Variants in TPSB2 observed in about 807,000 individuals in gnomAD.
TPSB2 encodes the protein tryptase beta-2.
Under a neutral mutation model 19.8 loss-of-function variants are expected in TPSB2, and 13 were observed. That is an observed-to-expected ratio of 0.66 (90% CI 0.43 to 1.04). The LOEUF is 1.04. Ranked by LOEUF, TPSB2 falls within the 50% of genes least tolerant of loss-of-function variation. The probability of loss-of-function intolerance (pLI) is 0.00; values close to 1 mark genes in which losing one functional copy is unlikely to be tolerated. For missense variants in TPSB2, 196 were observed against 259.9 expected, an observed-to-expected ratio of 0.75 and a Z score of 1.69; for synonymous variants, 78 against 116.4, an observed-to-expected ratio of 0.67 and a Z score of 2.12.
Position 1,229,287 on chromosome 16 carries a change from TG to T in TPSB2, c.402del (p.Ser135AlafsTer41). ...LLELEEPVNV[S>X]SHVHTVTLPP... ...GGCAGGGTGACCGTGTGGACGTGGC[TG>T]GAGACGTTCACCGGCTCCTCCAGCT... is the stretch of plus-strand genomic sequence containing the variant. On this transcript the variant is annotated frameshift_variant, in exon 4 of 6. Coordinates refer to ENST00000606293, the MANE Select transcript of TPSB2 (RefSeq NM_024164.6). LOFTEE classifies it high-confidence loss of function. 2.2e-6 allele frequency: 1 copy of T among 445,968 alleles called. No homozygotes were observed. The highest frequency in any genetic ancestry group is 3.4e-6 in the Non-Finnish European group (1 of 295,926). The allele number at this position is 445,968 out of a possible 1,614,324, so 27.6% of individuals were successfully genotyped here. A position where few individuals can be genotyped will look rare whatever the true frequency, so the allele number is the denominator to read the frequency against.
chr16:1,229,210 C>G lies in TPSB2; in HGVS notation c.480G>C (p.Trp160Cys). The G allele has an allele frequency of 2.6e-6, 1 of 383,848 alleles. No homozygotes were observed. Among genetic ancestry groups the G allele is most frequent in the Non-Finnish European group, 4.2e-6 (1 of 239,986 alleles). The allele number at this position is 383,848 out of a possible 1,614,324, so 23.8% of individuals were successfully genotyped here. Residue 160 changes from tryptophan (W) to cysteine (C), a missense_variant, in exon 4 of 6, where the codon TGG becomes TGC. Around this residue, in one of 4 missense-constraint regions of TPSB2, gnomAD observed 109 missense variants for 110.2 expected, o/e 0.99. Coordinates refer to ENST00000606293, the MANE Select transcript of TPSB2 (RefSeq NM_024164.6). ...PPGMPCWVTG[W>C]GDVDNDERLP... ...ACCCACCATCATTGTCCACATCGCCCCAGCCAGTGACCCAGCACGGCATCC... is the reference window on the plus strand; with the variant it reads ...ACCCACCATCATTGTCCACATCGCCGCAGCCAGTGACCCAGCACGGCATCC...
In TPSB2 at chr16:1,229,509, G is replaced by A. The variant is rs1448446628; in HGVS notation, c.234-53C>T. 238 of 1,326,992 alleles carry A rather than the reference G, an allele frequency of 1.8e-4. 1 individual carries two copies. The East Asian group carries it at 5.0e-3, about 28-fold the overall frequency. 82.2% of individuals were successfully genotyped at this position (1,326,992 alleles called of 1,614,324 possible). On this transcript the variant is annotated intron_variant, in intron 3 of 5. Coordinates refer to ENST00000606293, the MANE Select transcript of TPSB2 (RefSeq NM_024164.6). Reference sequence around the variant, plus strand: ...CCCTGGGCAGCCCCCAGGAGCACCCGGGAGCCAGGGCTCACATCCAGCCCT... The same window carrying A: ...CCCTGGGCAGCCCCCAGGAGCACCCAGGAGCCAGGGCTCACATCCAGCCCT...
chr16:1,229,601 G>A lies in TPSB2; in HGVS notation c.198C>T (p.Pro66=). 1.9e-6 allele frequency: 3 copies of A among 1,594,552 alleles called. No individual in the cohort carries two copies. Among genetic ancestry groups the A allele is most frequent in the Non-Finnish European group, 2.5e-6 (3 of 1,176,594 alleles). The change falls in exon 3 of 6, where the codon CCC becomes CCT. Residue 66 remains proline, a synonymous_variant. Transcript: ENST00000606293. The stretch of plus-strand genomic sequence containing the variant: ...AGTGCGCTGCGGTCAGCACCCACTG[G>A]GGGTGGATGAGGGAGCCCCCGCAGA... The part of the protein sequence containing the change: ...MHFCGGSLIH[P]QWVLTAAHCV...
Position 1,228,412 on chromosome 16 carries a change from G to C in TPSB2, c.*238C>G. 1.1e-6 allele frequency: 1 copy of C among 889,530 alleles called. No individual in the cohort carries two copies. Among genetic ancestry groups the C allele is most frequent in the South Asian group, 1.8e-5 (1 of 54,820 alleles). 55.1% of individuals were successfully genotyped at this position (889,530 alleles called of 1,614,324 possible). A position where few individuals can be genotyped will look rare whatever the true frequency, so the allele number is the denominator to read the frequency against. ...CCACCAGCTGCCTGGGCAGGGGAGG[G>C]CCGGAGGGCCCGGTGCAGGCGTCAG... On this transcript the variant is annotated 3_prime_UTR_variant, in exon 6 of 6. Transcript: ENST00000606293.
rs2030271699 is a variant in TPSB2, at chr16:1,228,569, G to A, written c.*81C>T. ...GGCAGGGAAGGTGTGGGGGGCAGTC[G>A]CCACCTGGGTAGGAAGCAGTGGTGT... On this transcript the variant is annotated 3_prime_UTR_variant, in exon 6 of 6. Coordinates refer to ENST00000606293, the MANE Select transcript of TPSB2 (RefSeq NM_024164.6). 6 of 1,443,758 alleles carry A rather than the reference G, an allele frequency of 4.2e-6. 1 individual carries two copies. Among genetic ancestry groups the A allele is most frequent in the Admixed American group, 2.0e-5 (1 of 50,774 alleles). The allele number at this position is 1,443,758 out of a possible 1,614,324, so 89.4% of individuals were successfully genotyped here. A position where few individuals can be genotyped will look rare whatever the true frequency, so the allele number is the denominator to read the frequency against.
chr16:1,229,851 A>C, intron 2 of TPSB2, 40 bp downstream of exon 2: 3 of 1,432,822 alleles, frequency 2.1e-6, no homozygotes, highest in Non-Finnish European at 2.8e-6. Flanking sequence ...TGACCTGTGG[A>C]ATGTGGTGAG....
chr16:1,229,809 C>A lies in TPSB2; in HGVS notation c.62-72G>T, dbSNP rs1186808822. ...GCCCAGCCCTTCCCTGTGTGGGGGC[C>A]AGCCCGACCTCCCCAGAACCCACCC... is the stretch of plus-strand genomic sequence containing the variant. On this transcript the variant is annotated intron_variant, in intron 2 of 5. Transcript: ENST00000606293. The A allele has an allele frequency of 4.1e-6, 6 of 1,480,388 alleles. No homozygotes were observed. In the East Asian group the frequency reaches 1.2e-4, roughly 30 times the overall value. The allele number at this position is 1,480,388 out of a possible 1,614,324, so 91.7% of individuals were successfully genotyped here. A position where few individuals can be genotyped will look rare whatever the true frequency, so the allele number is the denominator to read the frequency against.
In TPSB2 at chr16:1,228,711, A is replaced by G. The variant is rs2030279121; in HGVS notation, c.767T>C (p.Ile256Thr). 3.8e-6 allele frequency: 6 copies of G among 1,586,058 alleles called. No homozygotes were observed. The highest frequency in any genetic ancestry group is 1.4e-5 in the African/African-American group (1 of 70,540). Residue 256 changes from isoleucine to threonine, a missense_variant, in exon 6 of 6, where the codon ATC becomes ACC. Transcript: ENST00000606293. ...EGCAQPNRPG[I>T]YTRVTYYLDW... ...CAAGTAGTAGGTGACACGGGTGTAG[A>G]TGCCAGGCCGGTTGGGCTGGGCACA... is the stretch of plus-strand genomic sequence containing the variant.
At position 1,228,419 on chromosome 16, in the gene TPSB2, G is replaced by A. The variant is rs1401631535; in HGVS notation, c.*231C>T. ...CTGCCTGGGCAGGGGAGGGCCGGAG[G>A]GCCCGGTGCAGGCGTCAGGCTTAGG... On this transcript the variant is annotated 3_prime_UTR_variant, in exon 6 of 6. Coordinates refer to ENST00000606293, the MANE Select transcript of TPSB2 (RefSeq NM_024164.6). 1.1e-6 allele frequency: 1 copy of A among 940,512 alleles called. No individual in the cohort carries two copies. The allele number at this position is 940,512 out of a possible 1,614,324, so 58.3% of individuals were successfully genotyped here.
rs2030261186 is a variant in TPSB2, at chr16:1,228,395, T to C, written c.*255A>G. The C allele has an allele frequency of 1.4e-6, 1 of 730,808 alleles. No individual in the cohort carries two copies. The highest frequency in any genetic ancestry group is 2.2e-6 in the Non-Finnish European group (1 of 458,256). The allele number at this position is 730,808 out of a possible 1,614,324, so 45.3% of individuals were successfully genotyped here. The stretch of plus-strand genomic sequence containing the variant: ...AGGAGGATTAGCGCCCACCACCAGC[T>C]GCCTGGGCAGGGGAGGGCCGGAGGG... On this transcript the variant is annotated 3_prime_UTR_variant, in exon 6 of 6. Transcript: ENST00000606293.
Position 1,228,980 on chromosome 16 carries a change from C to G in TPSB2, c.583G>C (p.Gly195Arg). 4.2e-6 allele frequency: 2 copies of G among 481,670 alleles called. No homozygotes were observed. The highest frequency in any genetic ancestry group is 2.2e-5 in the South Asian group (1 of 46,174). The allele number at this position is 481,670 out of a possible 1,614,324, so 29.8% of individuals were successfully genotyped here. The change falls in exon 5 of 6, where the codon GGC becomes CGC. Residue 195 changes from glycine to arginine, a missense_variant. Physicochemically the swap from Gly to Arg is moderately radical, Grantham distance 125 (BLOSUM62 -2). This residue lies in a region of TPSB2 where 109 missense variants were observed against 110.2 expected (regional missense o/e 0.99). Transcript: ENST00000606293. ...CGGACGTCGTCTCCCGTGTAGGCGC[C>G]AAGGTGGTATTTTGCGTCACAAATG... ...NHICDAKYHL[G>R]AYTGDDVRIV...
chr16:1,229,408 G>A lies in TPSB2; in HGVS notation c.282C>T (p.His94=), dbSNP rs2030317981. The change falls in exon 4 of 6, where the codon CAC becomes CAT. Residue 94 remains histidine, a synonymous_variant. Transcript: ENST00000606293. ...GCAGCAGCTGGTCCTGGTAGTAGAG[G>A]TGCTGCTCCCGCAGTTGCACCCTGA... is the stretch of plus-strand genomic sequence containing the variant. The part of the protein sequence containing the change: ...AALRVQLREQ[H]LYYQDQLLPV... 9.3e-7 allele frequency: 1 copy of A among 1,075,876 alleles called. No homozygotes were observed. Among genetic ancestry groups the A allele is most frequent in the Non-Finnish European group, 1.2e-6 (1 of 821,376 alleles). The allele number at this position is 1,075,876 out of a possible 1,614,324, so 66.6% of individuals were successfully genotyped here.
Position 1,229,643 on chromosome 16 carries a change from G to T in TPSB2, c.156C>A (p.Asp52Glu), listed in dbSNP as rs760268825. 8 of 1,604,470 alleles carry T rather than the reference G, an allele frequency of 5.0e-6. 1 individual carries two copies. In the African/African-American group the frequency reaches 1.1e-4, roughly 23 times the overall value. The change falls in exon 3 of 6, where the codon GAC becomes GAA. Residue 52 changes from aspartate to glutamate, a missense_variant. Asp to Glu is a conservative substitution (Grantham distance 45). Around this residue, in one of 4 missense-constraint regions of TPSB2, gnomAD observed 72 missense variants for 80.5 expected, o/e 0.89. Transcript: ENST00000606293. Reference protein sequence around the residue: ...WPWQVSLRVRDRYWMHFCGGS... With the variant: ...WPWQVSLRVRERYWMHFCGGS... ...CCCCGCAGAAGTGCATCCAGTATCG[G>T]TCGCGGACTCTCAGGCTCACCTGCC...
At position 1,228,597 on chromosome 16, in the gene TPSB2, T is replaced by C; in HGVS notation, c.*53A>G. On this transcript the variant is annotated 3_prime_UTR_variant, in exon 6 of 6. Transcript: ENST00000606293. Reference sequence around the variant, plus strand: ...ACCTGGGTAGGAAGCAGTGGTGTTTTGAACAGGAGGGGCTGGCTCTCCAGT... The same window carrying C: ...ACCTGGGTAGGAAGCAGTGGTGTTTCGAACAGGAGGGGCTGGCTCTCCAGT... 6.6e-7 allele frequency: 1 copy of C among 1,521,720 alleles called. No individual in the cohort carries two copies. Among genetic ancestry groups the C allele is most frequent in the South Asian group, 1.2e-5 (1 of 85,804 alleles). 94.3% of individuals were successfully genotyped at this position (1,521,720 alleles called of 1,614,324 possible). A position where few individuals can be genotyped will look rare whatever the true frequency, so the allele number is the denominator to read the frequency against.
In TPSB2 at chr16:1,228,550, G is replaced by A; in HGVS notation, c.*100C>T. The A allele has an allele frequency of 1.0e-6, 1 of 993,936 alleles. No homozygotes were observed. The highest frequency in any genetic ancestry group is 1.5e-6 in the Non-Finnish European group (1 of 667,270). The allele number at this position is 993,936 out of a possible 1,614,324, so 61.6% of individuals were successfully genotyped here. On this transcript the variant is annotated 3_prime_UTR_variant, in exon 6 of 6. Coordinates refer to ENST00000606293, the MANE Select transcript of TPSB2 (RefSeq NM_024164.6). ...GAAGGGGCACTCAGGACGGGGCAGGGAAGGTGTGGGGGGCAGTCGCCACCT... is the reference window on the plus strand; with the variant it reads ...GAAGGGGCACTCAGGACGGGGCAGGAAAGGTGTGGGGGGCAGTCGCCACCT...
Position 1,228,538 on chromosome 16 carries a change from G to C in TPSB2, c.*112C>G, listed in dbSNP as rs2030269977. Reference sequence around the variant, plus strand: ...GGCTTAGGACAGGAAGGGGCACTCAGGACGGGGCAGGGAAGGTGTGGGGGG... The same window carrying C: ...GGCTTAGGACAGGAAGGGGCACTCACGACGGGGCAGGGAAGGTGTGGGGGG... On this transcript the variant is annotated 3_prime_UTR_variant, in exon 6 of 6. Coordinates refer to ENST00000606293, the MANE Select transcript of TPSB2 (RefSeq NM_024164.6). 8 of 692,382 alleles carry C rather than the reference G, an allele frequency of 1.2e-5. No homozygotes were observed. Among genetic ancestry groups the C allele is most frequent in the Non-Finnish European group, 2.0e-5 (8 of 404,936 alleles). 42.9% of individuals were successfully genotyped at this position (692,382 alleles called of 1,614,324 possible).
rs749054802 is a variant in TPSB2, at chr16:1,229,631, C to T, written c.168G>A (p.Met56Ile). The T allele has an allele frequency of 4.4e-6, 7 of 1,603,890 alleles. 1 individual carries two copies. Among genetic ancestry groups the T allele is most frequent in the East Asian group, 4.7e-5 (2 of 42,800 alleles). The change falls in exon 3 of 6, where the codon ATG (methionine) becomes ATA (isoleucine). Residue 56 changes from methionine to isoleucine, a missense_variant. Coordinates refer to ENST00000606293, the MANE Select transcript of TPSB2 (RefSeq NM_024164.6). ...GGATGAGGGAGCCCCCGCAGAAGTG[C>T]ATCCAGTATCGGTCGCGGACTCTCA... Reference protein sequence around the residue: ...VSLRVRDRYWMHFCGGSLIHP... With the variant: ...VSLRVRDRYWIHFCGGSLIHP...
chr16:1,229,761 C>T (rs1419477089), intron 2 of TPSB2, 24 bp from the exon 3 acceptor site: 1 of 1,542,246 alleles, frequency 6.5e-7, no homozygotes, highest in Non-Finnish European at 8.7e-7. Context: ...CAGGTCAGGA[C>T]CAGGAAGCAG....
Position 1,229,159 on chromosome 16 carries a change from C to A in TPSB2, c.499+32G>T, listed in dbSNP as rs1596491248. On this transcript the variant is annotated intron_variant, in intron 4 of 5. Transcript: ENST00000606293. ...CCAGGGGCTGGGCTGTGGCTAAGAC[C>A]CTGGCCCCACCTCCACTGTCCCCAG... is the stretch of plus-strand genomic sequence containing the variant. 5 of 340,604 alleles carry A rather than the reference C, an allele frequency of 1.5e-5. No homozygotes were observed. The East Asian group carries it at 3.1e-4, about 21-fold the overall frequency. 21.1% of individuals were successfully genotyped at this position (340,604 alleles called of 1,614,324 possible). A position where few individuals can be genotyped will look rare whatever the true frequency, so the allele number is the denominator to read the frequency against.
Sources: allele counts gnomAD v4.1 joint callset, GRCh38; gene constraint gnomAD v4.1.1; regional missense constraint gnomAD v4.1.1; transcripts MANE v1.5; gene names NCBI Gene and HGNC (gene_info 2026-07-23, HGNC 2026-07-21).